The following PIK3C2A variants were observed in gnomAD, a reference collection of about 807,000 sequenced individuals.
PIK3C2A encodes the protein phosphatidylinositol-4-phosphate 3-kinase catalytic subunit type 2 alpha.
In PIK3C2A, 97 loss-of-function variants were observed where a neutral mutation model predicts 204.5. The ratio of observed to expected loss-of-function variants is 0.47; its 90% CI spans 0.40 to 0.56. The LOEUF (loss-of-function observed/expected upper bound fraction) is 0.56. PIK3C2A is among the 20% of genes least tolerant of loss of function. The probability of loss-of-function intolerance (pLI) is 0.00; values close to 1 mark genes in which losing one functional copy is unlikely to be tolerated. For missense variants in PIK3C2A, 1,735 were observed against 1,969.2 expected, an observed-to-expected ratio of 0.88 and a Z score of 2.25; for synonymous variants, 653 against 664.4, an observed-to-expected ratio of 0.98 and a Z score of 0.26.
intron 12 of PIK3C2A, among the ~76,000 whole-genome samples, chr11:17,131,374 T>C (rs1412857650): frequency 6.6e-6 from 1 of 151,876 alleles, no homozygotes; most frequent in Non-Finnish European, 1.5e-5. Context: ...AAAAGAATGG[T>C]ATGTTTTTGT....
intron 2 of PIK3C2A, among the ~76,000 whole-genome samples, chr11:17,165,749 T>C (rs975260399): frequency 1.7e-5 from 2 of 118,852 alleles, no homozygotes; most frequent in Admixed American, 2.2e-4. Context: ...CACTCCAGCC[T>C]GGGCAACAAG....
intron 18 of PIK3C2A, among the ~76,000 whole-genome samples, chr11:17,118,076 CTT>C (rs35483291): frequency 3.7e-5 from 5 of 136,798 alleles, no homozygotes; most frequent in Non-Finnish European, 4.7e-5. Flanking sequence ...ATTTTTTTTT[CTT>C]TTTTTTTTTT....
intron 24 of PIK3C2A, 75 bp downstream of exon 24, chr11:17,102,587 A>C: frequency 7.9e-7 from 1 of 1,262,588 alleles, no homozygotes; most frequent in South Asian, 1.4e-5. Flanking sequence ...GAGGCAAAAC[A>C]CAAAGCTTGA....
At chr11:17,148,434 A>G in intron 5 of PIK3C2A, 1 of 435,986 alleles carries the variant, frequency 2.3e-6, no homozygotes, top group East Asian at 3.8e-5. Flanking sequence ...TCCTGTAAAG[A>G]CTACAAGCTC....
At chr11:17,152,176 A>C (rs1245131028) in intron 3 of PIK3C2A, among the ~76,000 whole-genome samples, 1 of 152,200 alleles carries the variant, frequency 6.6e-6, no homozygotes, top group Non-Finnish European at 1.5e-5. Context: ...TATGTCACTG[A>C]ACCGTACACT....
rs746323121 is a variant in PIK3C2A at position 17,129,362 on chromosome 11, A to G, written c.2337T>C (p.Asn779=). 1.9e-6 allele frequency: 3 copies of G among 1,613,796 alleles called. No individual in the cohort carries two copies. Among genetic ancestry groups the G allele is most frequent in the East Asian group, 4.5e-5 (2 of 44,870 alleles). Residue 779 remains asparagine (N), a synonymous_variant, in exon 13 of 33, where the codon AAT becomes AAC. Coordinates refer to ENST00000691414, the MANE Select transcript of PIK3C2A (RefSeq NM_002645.4). ...NQSSGSSPDS[N]KQRKGPEALG... ...AAGCTTCTGGTCCCTTTCTCTGCTT[A>G]TTAGAATCAGGGGAACTTCCACTGC...
At chr11:17,104,586 G>A (rs1158654006) in intron 23 of PIK3C2A, among the ~76,000 whole-genome samples, 2 of 151,966 alleles carry the variant, frequency 1.3e-5, no homozygotes, top group African/African-American at 4.8e-5. Flanking sequence ...TTGCCTGGGC[G>A]TGGTGGTGGG....
chr11:17,140,876 A>G (rs1028200021), intron 8 of PIK3C2A, among the ~76,000 whole-genome samples: 1 of 152,238 alleles, frequency 6.6e-6, no homozygotes, highest in Non-Finnish European at 1.5e-5. Context: ...ACTATTTTAG[A>G]TAAGATGGTG....
intron 18 of PIK3C2A, 59 bp downstream of exon 18, chr11:17,118,586 T>C (rs1442845031): frequency 2.3e-5 from 18 of 780,804 alleles, no homozygotes; most frequent in Non-Finnish European, 3.8e-5. Context: ...TTACAGGGTA[T>C]GCCATTTCTA....
At chr11:17,103,595 A>C (rs1848712499) in intron 23 of PIK3C2A, among the ~76,000 whole-genome samples, 1 of 152,116 alleles carries the variant, frequency 6.6e-6, no homozygotes, top group Non-Finnish European at 1.5e-5. Flanking sequence ...CAAACCAGGC[A>C]CTTCTCTGTG....
Position 17,117,585 on chromosome 11 carries a change from C to A in PIK3C2A, c.3122G>T (p.Arg1041Leu), listed in dbSNP as rs775971184. ...LGALLSVGGKRLREELLKQTK... is the reference protein window; with the variant it reads ...LGALLSVGGKLLREELLKQTK... ...CTGTTTTAGAAGTTCTTCTCTAAGT[C>A]GTTTTCCTCCTACTGACAGGAGAGC... Residue 1041 changes from arginine (R) to leucine (L), a missense_variant, in exon 19 of 33, where the codon CGA (arginine) becomes CTA (leucine). This residue lies in a region of PIK3C2A where 567 missense variants were observed against 576.0 expected (regional missense o/e 0.98). Transcript: ENST00000691414. The A allele has an allele frequency of 1.1e-5, 18 of 1,612,856 alleles. No homozygotes were observed. The East Asian group carries it at 4.0e-4, about 36-fold the overall frequency.
At chr11:17,126,395 A>C (rs915130816) in intron 13 of PIK3C2A, among the ~76,000 whole-genome samples, 4 of 152,210 alleles carry the variant, frequency 2.6e-5, no homozygotes, top group Non-Finnish European at 4.4e-5. Flanking sequence ...CTCTACAAAA[A>C]AAAAGTTTTT....
chr11:17,177,186 A>T (rs1851366581), intron 1 of PIK3C2A, among the ~76,000 whole-genome samples: 1 of 152,188 alleles, frequency 6.6e-6, no homozygotes, highest in African/African-American at 2.4e-5. Context: ...TTCAATCATA[A>T]GGTTATTTTA....
intron 15 of PIK3C2A, among the ~76,000 whole-genome samples, chr11:17,121,174 G>T (rs1849355987): frequency 6.6e-6 from 1 of 152,024 alleles, no homozygotes; most frequent in Non-Finnish European, 1.5e-5. Flanking sequence ...CTGCAGTGCA[G>T]TGATGAGATC....
chr11:17,096,042 CT>C (rs369643057), intron 27 of PIK3C2A, among the ~76,000 whole-genome samples: 379 of 144,846 alleles, frequency 2.6e-3, no homozygotes, highest in Middle Eastern at 3.6e-3. Context: ...GCTAGTTAAA[CT>C]TTTTTTTTTT....
chr11:17,105,004 A>C (rs1024675221), intron 23 of PIK3C2A, among the ~76,000 whole-genome samples, 165 bp downstream of exon 23: 31 of 152,262 alleles, frequency 2.0e-4, no homozygotes, highest in East Asian at 7.7e-4. Flanking sequence ...CCTGCCATTA[A>C]ATGCGTCTTG....
intron 8 of PIK3C2A, among the ~76,000 whole-genome samples, chr11:17,143,000 T>C (rs61879714): frequency 0.13 from 19,415 of 151,172 alleles, 1,412 homozygotes; most frequent in Middle Eastern, 0.24. Context: ...TCATCTACAA[T>C]GATTTTCCTG....
chr11:17,118,728 A>G lies in PIK3C2A; in HGVS notation c.2952T>C (p.Tyr984=), dbSNP rs147487211. The stretch of plus-strand genomic sequence containing the variant: ...CTAATGAACTATTCAAGTAAATTTC[A>G]TATTTCAAAGCCTACAGTAAAAGAA... ...LLPQFVQALK[Y]EIYLNSSLVQ... Residue 984 remains tyrosine, a synonymous_variant, in exon 18 of 33, where the codon TAT becomes TAC. Transcript: ENST00000691414. 7 of 1,530,838 alleles carry G rather than the reference A, an allele frequency of 4.6e-6. No homozygotes were observed. Among genetic ancestry groups the G allele is most frequent in the Non-Finnish European group, 5.4e-6 (6 of 1,106,918 alleles). The allele number at this position is 1,530,838 out of a possible 1,614,324, so 94.8% of individuals were successfully genotyped here.
intron 19 of PIK3C2A, among the ~76,000 whole-genome samples, chr11:17,116,199 A>G (rs970503798): frequency 2.0e-5 from 3 of 152,220 alleles, no homozygotes; most frequent in Admixed American, 2.0e-4. Flanking sequence ...ACAACTCAAC[A>G]ACAAAAAAGA....
Sources: gnomAD v4.1 joint callset for allele counts (sites outside exome capture counted in the v4.1 genomes callset) on GRCh38, gnomAD v4.1.1 for gene constraint, gnomAD v4.1.1 regional missense constraint, MANE v1.5 for transcripts, NCBI Gene and HGNC (gene_info 2026-07-23, HGNC 2026-07-21) for gene names.